Variants in PDE1C observed in about 807,000 individuals in gnomAD.
PDE1C encodes the protein phosphodiesterase 1C.
PDE1C carries 62 observed loss-of-function variants against 93.1 expected under a neutral mutation model. That is an observed-to-expected ratio of 0.67 (90% CI 0.54 to 0.82). PDE1C has a LOEUF of 0.82. PDE1C is among the 40% of genes least tolerant of loss of function. The probability of loss-of-function intolerance (pLI) is 0.00; values close to 1 mark genes in which losing one functional copy is unlikely to be tolerated. For synonymous variants in PDE1C, 325 were observed against 310.1 expected (o/e 1.05, Z -0.50); for missense variants, 742 against 884.6 (o/e 0.84, Z 2.04).
intron 3 of PDE1C, among the ~76,000 whole-genome samples, chr7:32,078,316 G>C (rs1796469758): frequency 6.6e-6 from 1 of 152,192 alleles, no homozygotes; most frequent in South Asian, 2.1e-4. Context: ...TCCCAGCCCA[G>C]TGCTCCACTG....
chr7:31,765,972 C>T (rs896119563), intron 17 of PDE1C, among the ~76,000 whole-genome samples: 4 of 152,160 alleles, frequency 2.6e-5, no homozygotes. Context: ...GTTTCCTAAT[C>T]TGTGAAATAG....
intron 2 of PDE1C, among the ~76,000 whole-genome samples, chr7:31,994,522 G>C (rs1784496675): frequency 6.6e-6 from 1 of 152,122 alleles, no homozygotes; most frequent in South Asian, 2.1e-4. Context: ...CCCACCCCAA[G>C]ATTGCCAAAT....
At chr7:32,248,853 G>A (rs1239077793) in intron 1 of PDE1C, among the ~76,000 whole-genome samples, 1 of 152,056 alleles carries the variant, frequency 6.6e-6, no homozygotes, top group Non-Finnish European at 1.5e-5. Flanking sequence ...TTTGTTTTTT[G>A]CTTTGTACGT....
chr7:32,193,894 T>G (rs77348862), intron 2 of PDE1C, among the ~76,000 whole-genome samples: 3 of 139,910 alleles, frequency 2.1e-5, no homozygotes, highest in South Asian at 4.5e-4. Context: ...GTTTATGTGG[T>G]TTTTTTTTTT....
intron 10 of PDE1C, 24 bp from the exon 11 acceptor site, chr7:31,837,324 A>G (rs369861695): frequency 1.9e-6 from 3 of 1,593,122 alleles, no homozygotes; most frequent in Non-Finnish European, 2.6e-6. Flanking sequence ...GCACCCAAAC[A>G]CATGATAACC....
chr7:31,617,186 G>A, the PDE1C span, among the ~76,000 whole-genome samples: 1 of 152,118 alleles, frequency 6.6e-6, no homozygotes. Flanking sequence ...GCCTGGAGAA[G>A]GGAAGATCCT....
chr7:31,622,765 A>C, the PDE1C span, among the ~76,000 whole-genome samples: 2 of 152,172 alleles, frequency 1.3e-5, no homozygotes, highest in Non-Finnish European at 2.9e-5. Flanking sequence ...ATCAGAGCAG[A>C]ACTGAAGGAA....
chr7:31,878,950 G>A, intron 4 of PDE1C, 46 bp downstream of exon 4: 3 of 1,560,106 alleles, frequency 1.9e-6, no homozygotes, highest in Non-Finnish European at 2.6e-6. Context: ...GAAACGTGTT[G>A]CTTTGGCTGC....
intron 1 of PDE1C, among the ~76,000 whole-genome samples, chr7:32,066,991 A>G (rs990430979): frequency 1.3e-5 from 2 of 152,230 alleles, no homozygotes; most frequent in Non-Finnish European, 2.9e-5. Flanking sequence ...AGGGCCACAG[A>G]GCAAGGCTGA....
At chr7:32,072,112 G>A (rs1024204748), upstream of PDE1C, among the ~76,000 whole-genome samples, 1 of 152,132 alleles carries the variant, frequency 6.6e-6, no homozygotes, top group Non-Finnish European at 1.5e-5. Flanking sequence ...GGAATAAAAT[G>A]GTCTCTAAAT....
intron 2 of PDE1C, among the ~76,000 whole-genome samples, chr7:31,911,254 AAAT>A (rs530582631): frequency 2.2e-4 from 34 of 152,326 alleles, no homozygotes; most frequent in African/African-American, 8.2e-4. Flanking sequence ...CAACAAAATT[AAAT>A]AATAACTAGG....
At chr7:31,622,339 T>C in the PDE1C span, among the ~76,000 whole-genome samples, 1 of 152,036 alleles carries the variant, frequency 6.6e-6, no homozygotes, top group Admixed American at 6.6e-5. Context: ...TATTCAAAAA[T>C]TGACCAGATA....
At chr7:32,251,697 T>C (rs1002394849) in intron 1 of PDE1C, among the ~76,000 whole-genome samples, 1 of 152,334 alleles carries the variant, frequency 6.6e-6, no homozygotes, top group East Asian at 1.9e-4. Flanking sequence ...ATATCATCCA[T>C]GAATAATAAA....
At chr7:32,309,578 G>A (rs1429989719) in intron 1 of PDE1C, among the ~76,000 whole-genome samples, 1 of 152,220 alleles carries the variant, frequency 6.6e-6, no homozygotes, top group Non-Finnish European at 1.5e-5. Context: ...AGCCAGAAGG[G>A]AGTGGGGGCC....
intron 3 of PDE1C, among the ~76,000 whole-genome samples, chr7:32,087,685 G>A (rs538037800): frequency 8.5e-5 from 13 of 152,260 alleles, no homozygotes; most frequent in African/African-American, 3.1e-4. Flanking sequence ...AAAAGGATGA[G>A]TTCATGTCCT....
chr7:32,180,166 C>G (rs911106433), intron 2 of PDE1C, among the ~76,000 whole-genome samples: 1 of 152,056 alleles, frequency 6.6e-6, no homozygotes, highest in Non-Finnish European at 1.5e-5. Context: ...AATCAGTCAC[C>G]TAGATACTGT....
intron 16 of PDE1C, among the ~76,000 whole-genome samples, chr7:31,800,640 T>C (rs1785895712): frequency 1.3e-5 from 2 of 151,532 alleles, no homozygotes; most frequent in South Asian, 4.1e-4. Flanking sequence ...ACCATAGCTT[T>C]ATAGTAAGTC....
intron 1 of PDE1C, chr7:32,298,505 G>T: frequency 1.0e-6 from 1 of 981,148 alleles, no homozygotes; most frequent in Non-Finnish European, 1.5e-6. Flanking sequence ...CCCAGTCGCC[G>T]CTCCCGGGGG....
At chr7:32,317,325 C>T (rs1436200519) in intron 1 of PDE1C, among the ~76,000 whole-genome samples, 2 of 152,080 alleles carry the variant, frequency 1.3e-5, no homozygotes, top group Non-Finnish European at 2.9e-5. Context: ...GCATTTAGGC[C>T]TCACAGCAAC....
Sources: allele counts gnomAD v4.1 joint callset (sites outside exome capture counted in the v4.1 genomes callset), GRCh38; gene constraint gnomAD v4.1.1; transcripts MANE v1.5; gene names NCBI Gene and HGNC (gene_info 2026-07-23, HGNC 2026-07-21).